The following TLN2 variants were observed in gnomAD, a reference collection of about 807,000 sequenced individuals.
The protein encoded by TLN2 is talin 2, also known as talin-2.
In TLN2, 118 loss-of-function variants were observed where a neutral mutation model predicts 294.7. The ratio of observed to expected loss-of-function variants is 0.40; its 90% CI spans 0.34 to 0.47. TLN2 has a LOEUF of 0.47. Ranked by LOEUF, TLN2 falls within the 20% of genes least tolerant of loss-of-function variation. The pLI, the probability that TLN2 is intolerant of heterozygous loss-of-function variation, is 0.84. For missense variants in TLN2, 3,083 were observed against 3,282.2 expected (o/e 0.94, Z 1.48); for synonymous variants, 1,431 against 1,304.5 (o/e 1.10, Z -2.09).
chr15:62,740,589 T>C, intron 31 of TLN2, 41 bp from the exon 32 acceptor site: 1 of 1,610,204 alleles, frequency 6.2e-7, no homozygotes, highest in Non-Finnish European at 8.5e-7. Context: ...CTTCAAGAAA[T>C]GGACAGGCCC....
At chr15:62,827,192 C>T (rs932006454) in intron 54 of TLN2, among the ~76,000 whole-genome samples, 2 of 152,072 alleles carry the variant, frequency 1.3e-5, no homozygotes, top group African/African-American at 4.8e-5. Flanking sequence ...AAGAAAAGGC[C>T]AAGAAAAAGA....
chr15:62,472,772 C>T (rs2037553545), intron 1 of TLN2, among the ~76,000 whole-genome samples: 2 of 152,120 alleles, frequency 1.3e-5, no homozygotes, highest in Admixed American at 1.3e-4. Context: ...ATAGCCTTTA[C>T]CTATTTCTCC....
chr15:62,491,581 T>C (rs1029589350), intron 1 of TLN2, among the ~76,000 whole-genome samples: 1 of 152,148 alleles, frequency 6.6e-6, no homozygotes, highest in African/African-American at 2.4e-5. Context: ...GTTTGAGTTG[T>C]TTGTCCTTTG....
At chr15:62,519,991 G>A (rs1327058018) in intron 1 of TLN2, among the ~76,000 whole-genome samples, 3 of 152,192 alleles carry the variant, frequency 2.0e-5, no homozygotes, top group African/African-American at 7.2e-5. Context: ...CGAAAGGCAC[G>A]TCTTACGTGG....
intron 40 of TLN2, among the ~76,000 whole-genome samples, chr15:62,765,748 G>A (rs1327523379): frequency 1.3e-5 from 2 of 152,172 alleles, no homozygotes; most frequent in Non-Finnish European, 2.9e-5. Flanking sequence ...TCAAACATGA[G>A]AAGAAAGGTC....
At chr15:62,560,243 TTTTG>T (rs2042846843) in intron 1 of TLN2, among the ~76,000 whole-genome samples, 2 of 152,302 alleles carry the variant, frequency 1.3e-5, no homozygotes, top group Admixed American at 1.3e-4. Context: ...CTCCGTGTTT[TTTTG>T]TTTGTTTTTT....
intron 57 of TLN2, among the ~76,000 whole-genome samples, chr15:62,837,384 G>T (rs148898609): frequency 6.6e-6 from 1 of 152,160 alleles, no homozygotes; most frequent in African/African-American, 2.4e-5. Context: ...CATTTATTAG[G>T]TGCATAATCT....
At chr15:62,764,835 C>T (rs1369785456) in intron 40 of TLN2, among the ~76,000 whole-genome samples, 4 of 152,032 alleles carry the variant, frequency 2.6e-5, no homozygotes, top group African/African-American at 7.2e-5. Flanking sequence ...AGCATGGTGG[C>T]GGGCGCCTGT....
chr15:62,460,325 G>A (rs1018888889), intron 1 of TLN2, among the ~76,000 whole-genome samples: 34 of 151,592 alleles, frequency 2.2e-4, no homozygotes, highest in African/African-American at 7.8e-4. Flanking sequence ...GAGTGCAATG[G>A]CATGATCTCA....
intron 45 of TLN2, among the ~76,000 whole-genome samples, chr15:62,786,419 CAAGCCTT>C: frequency 6.6e-6 from 1 of 152,134 alleles, no homozygotes; most frequent in African/African-American, 2.4e-5. Context: ...ATGGAAAATT[CAAGCCTT>C]TGTTAACATC....
chr15:62,510,368 C>T (rs1355233874), intron 1 of TLN2, among the ~76,000 whole-genome samples: 5 of 152,212 alleles, frequency 3.3e-5, no homozygotes, highest in Non-Finnish European at 7.3e-5. Context: ...TTGTGCAAAT[C>T]ATTTCATCAT....
intron 42 of TLN2, among the ~76,000 whole-genome samples, chr15:62,771,340 T>G (rs773164383): frequency 1.3e-5 from 2 of 152,254 alleles, no homozygotes; most frequent in Non-Finnish European, 2.9e-5. Context: ...TATTTTTTTC[T>G]TGACAGAATG....
chr15:62,561,094 GT>G (rs1201967656), intron 1 of TLN2, among the ~76,000 whole-genome samples: 13 of 152,382 alleles, frequency 8.5e-5, no homozygotes, highest in African/African-American at 3.1e-4. Context: ...ATTCAGGAAA[GT>G]CAGGTTTCTG....
At chr15:62,678,512 C>T (rs1249879673) in intron 11 of TLN2, among the ~76,000 whole-genome samples, 1 of 152,166 alleles carries the variant, frequency 6.6e-6, no homozygotes, top group Non-Finnish European at 1.5e-5. Context: ...TCATTAGTAT[C>T]ATACTTAATA....
chr15:62,831,841 T>G (rs370914950), intron 54 of TLN2: 4 of 152,352 alleles, frequency 2.6e-5, no homozygotes, highest in East Asian at 1.9e-4. Flanking sequence ...AATGGAGAGC[T>G]GGAGAAGACT....
chr15:62,725,641 TACC>T lies in TLN2; in HGVS notation c.3255+542_3255+544del, dbSNP rs1398749270. On this transcript the variant is annotated intron_variant, in intron 27 of 58. Transcript: ENST00000636159. Reference sequence around the variant, plus strand: ...ACATGACTGAACATTGCTAGTAAAATACCACCATGTATTAAGCACCTGTGAAGC... The same window carrying T: ...ACATGACTGAACATTGCTAGTAAAATACCATGTATTAAGCACCTGTGAAGC... 3.3e-5 allele frequency among the ~76,000 whole-genome samples: 5 copies of T among 152,272 alleles called. No homozygotes were observed. The East Asian group carries it at 7.7e-4, about 24-fold the overall frequency.
intron 1 of TLN2, among the ~76,000 whole-genome samples, chr15:62,449,367 T>C (rs1037112238): frequency 6.6e-6 from 1 of 152,128 alleles, no homozygotes; most frequent in South Asian, 2.1e-4. Context: ...CCTGTTCCTC[T>C]CTCCTCTGCT....
intron 1 of TLN2, among the ~76,000 whole-genome samples, chr15:62,469,318 G>C (rs1291407028): frequency 6.6e-6 from 1 of 152,226 alleles, no homozygotes; most frequent in Non-Finnish European, 1.5e-5. Flanking sequence ...AGACCAGATA[G>C]CACACACAGT....
At position 62,698,742 on chromosome 15, in the gene TLN2, T is replaced by C. The variant is rs113205241; in HGVS notation, c.1474-12T>C. On this transcript the variant is annotated splice_polypyrimidine_tract_variant and intron_variant, in intron 15 of 58. Transcript: ENST00000636159. ...GTGTGGGATGACAGCTTTGTTTCAT[T>C]TGCCTTTGCAGACCTCAGCCCAGCA... 1,755 of 1,606,346 alleles carry C rather than the reference T, an allele frequency of 1.1e-3. 12 individuals carry two copies. In the African/African-American group the frequency reaches 0.014, roughly 13 times the overall value.
Sources: gnomAD v4.1 joint callset for allele counts (sites outside exome capture counted in the v4.1 genomes callset) on GRCh38, gnomAD v4.1.1 for gene constraint, MANE v1.5 for transcripts, NCBI Gene and HGNC (gene_info 2026-07-23, HGNC 2026-07-21) for gene names.